LHFPL6: variants seen among roughly 807,000 people sequenced by gnomAD.
LHFPL6 encodes the protein LHFPL tetraspan subfamily member 6 protein.
Under a neutral mutation model 20.6 loss-of-function variants are expected in LHFPL6, and 9 were observed. That is an observed-to-expected ratio of 0.44 (90% CI 0.26 to 0.76). LHFPL6 has a LOEUF of 0.76. Among genes scored for constraint, LHFPL6 ranks in the 30% least tolerant of loss-of-function variants. The probability of loss-of-function intolerance (pLI) is 0.20; values close to 1 mark genes in which losing one functional copy is unlikely to be tolerated. For synonymous variants in LHFPL6, 105 were observed against 98.7 expected (o/e 1.06, Z -0.38); for missense variants, 218 against 253.5 (o/e 0.86, Z 0.95).
At position 39,361,514 on chromosome 13, in the gene LHFPL6, C is replaced by T. The variant is rs921918237; in HGVS notation, c.484+16914G>A. On this transcript the variant is annotated intron_variant, in intron 3 of 3. Coordinates refer to ENST00000379589, the MANE Select transcript of LHFPL6 (RefSeq NM_005780.3). ...TCTATTTTTAGTAGAGATGGGGTTT[C>T]ACCATGTTGGCCAGGATGGTCTCGA... Among the ~76,000 whole-genome samples, 25 of 152,124 alleles carry T rather than the reference C, an allele frequency of 1.6e-4. No individual in the cohort carries two copies. The East Asian group carries it at 1.7e-3, about 11-fold the overall frequency.
At chr13:39,403,827 C>T (rs1161127435) in intron 2 of LHFPL6, among the ~76,000 whole-genome samples, 6 of 152,182 alleles carry the variant, frequency 3.9e-5, no homozygotes, top group Admixed American at 2.0e-4. Flanking sequence ...AGAATCCAGC[C>T]AGGCCTGTTA....
intron 2 of LHFPL6, among the ~76,000 whole-genome samples, chr13:39,490,307 AGC>A (rs1356436564): frequency 6.6e-6 from 1 of 152,208 alleles, no homozygotes; most frequent in African/African-American, 2.4e-5. Context: ...CCACAATACA[AGC>A]GCAAACCAAG....
chr13:39,417,378 G>A (rs536173676), intron 2 of LHFPL6, among the ~76,000 whole-genome samples: 1 of 150,708 alleles, frequency 6.6e-6, no homozygotes, highest in South Asian at 2.1e-4. Flanking sequence ...CCGGAGCAAC[G>A]CTGTGAGAAG....
intron 2 of LHFPL6, among the ~76,000 whole-genome samples, chr13:39,598,693 C>A (rs771313495): frequency 3.8e-4 from 58 of 152,038 alleles, no homozygotes; most frequent in Non-Finnish European, 2.1e-4. Context: ...GTAGCAGGGA[C>A]TACAGGCGCC....
chr13:39,366,860 T>A (rs1870025857), intron 3 of LHFPL6, among the ~76,000 whole-genome samples: 1 of 152,220 alleles, frequency 6.6e-6, no homozygotes, highest in East Asian at 1.9e-4. Flanking sequence ...TGGACTGCAA[T>A]AAAATCTGCC....
intron 2 of LHFPL6, among the ~76,000 whole-genome samples, chr13:39,545,895 G>A (rs12428145): frequency 2.0e-5 from 3 of 151,772 alleles, no homozygotes; most frequent in Admixed American, 2.0e-4. Flanking sequence ...ACATAGTGAG[G>A]CTGCTTCTCT....
intron 2 of LHFPL6, among the ~76,000 whole-genome samples, chr13:39,411,219 CTGCTACAGATCTG>C (rs1871235487): frequency 6.6e-6 from 1 of 152,162 alleles, no homozygotes; most frequent in African/African-American, 2.4e-5. Context: ...TCCAGGGTGG[CTGCTACAGATCTG>C]CTTTCCTTAT....
chr13:39,431,721 G>GGGGGA (rs1871812364), intron 2 of LHFPL6, among the ~76,000 whole-genome samples: 1 of 147,594 alleles, frequency 6.8e-6, no homozygotes, highest in African/African-American at 2.5e-5. Context: ...AATTTGTGGG[G>GGGGGA]GGGGGGGGCT....
intron 2 of LHFPL6, among the ~76,000 whole-genome samples, chr13:39,494,427 G>A (rs553043153): frequency 3.2e-4 from 48 of 152,226 alleles, no homozygotes; most frequent in Non-Finnish European, 4.7e-4. Flanking sequence ...GTGGTCTGAG[G>A]TCCCTCACTT....
chr13:39,520,658 A>G (rs1260873309), intron 2 of LHFPL6, among the ~76,000 whole-genome samples: 1 of 152,168 alleles, frequency 6.6e-6, no homozygotes, highest in Admixed American at 6.5e-5. Context: ...TAGAGAAATG[A>G]GCTATCAAAT....
chr13:39,566,380 A>G (rs762461889), intron 2 of LHFPL6, among the ~76,000 whole-genome samples: 3 of 152,208 alleles, frequency 2.0e-5, no homozygotes, highest in Non-Finnish European at 2.9e-5. Context: ...CCATGTCTGA[A>G]TGACTCAGTA....
At chr13:39,506,621 A>G (rs1378958355) in intron 2 of LHFPL6, among the ~76,000 whole-genome samples, 1 of 152,172 alleles carries the variant, frequency 6.6e-6, no homozygotes, top group Non-Finnish European at 1.5e-5. Flanking sequence ...AGCTTAATCA[A>G]CAGAGCTCCA....
At chr13:39,414,148 T>C (rs542002793) in intron 2 of LHFPL6, among the ~76,000 whole-genome samples, 37 of 152,340 alleles carry the variant, frequency 2.4e-4, no homozygotes, top group African/African-American at 8.9e-4. Context: ...TTCATTCACA[T>C]ATCTATACAT....
Position 39,344,020 on chromosome 13 carries a change from C to G in LHFPL6, c.519G>C (p.Thr173=). The change falls in exon 4 of 4, where the codon ACG becomes ACC. Residue 173 remains threonine, a synonymous_variant. Coordinates refer to ENST00000379589, the MANE Select transcript of LHFPL6 (RefSeq NM_005780.3). The part of the protein sequence containing the change: ...KCEIGWAYYC[T]GAGATAAMLL... ...GCATGGCGGCAGTGGCACCTGCTCC[C>G]GTGCAGTAGTAGGCCCAGCCGATTT... is the stretch of plus-strand genomic sequence containing the variant. 6.2e-7 allele frequency: 1 copy of G among 1,613,688 alleles called. No homozygotes were observed. Among genetic ancestry groups the G allele is most frequent in the Non-Finnish European group, 8.5e-7 (1 of 1,179,878 alleles).
At chr13:39,503,176 T>C (rs1869354111) in intron 2 of LHFPL6, among the ~76,000 whole-genome samples, 1 of 152,220 alleles carries the variant, frequency 6.6e-6, no homozygotes, top group African/African-American at 2.4e-5. Context: ...AAATGCTACC[T>C]GACCCGGCAC....
chr13:39,343,948 G>A lies in LHFPL6; in HGVS notation c.591C>T (p.His197=), dbSNP rs755717088. Residue 197 remains histidine, a synonymous_variant, in exon 4 of 4, where the codon CAC becomes CAT. Coordinates refer to ENST00000379589, the MANE Select transcript of LHFPL6 (RefSeq NM_005780.3). ...TGGTAGCTCCATCTCAGTATGGGTA[G>A]TGCTTCTGTTTCTTGCCCGAAAAGC... The part of the protein sequence containing the change: ...LACFSGKKQK[H]YPY The A allele has an allele frequency of 1.7e-5, 28 of 1,613,514 alleles. No homozygotes were observed. The highest frequency in any genetic ancestry group is 1.5e-4 in the South Asian group (14 of 91,040).
intron 3 of LHFPL6, among the ~76,000 whole-genome samples, chr13:39,361,951 C>T (rs1376838220): frequency 1.3e-5 from 2 of 152,142 alleles, no homozygotes; most frequent in Non-Finnish European, 1.5e-5. Flanking sequence ...ATTGATAAAC[C>T]CAGTGTGATG....
At chr13:39,383,032 C>A (rs140342725) in intron 2 of LHFPL6, among the ~76,000 whole-genome samples, 1 of 152,096 alleles carries the variant, frequency 6.6e-6, no homozygotes, top group Non-Finnish European at 1.5e-5. Context: ...GGCCTCCCCA[C>A]TAACTTGCTA....
intron 2 of LHFPL6, among the ~76,000 whole-genome samples, chr13:39,393,957 T>C (rs533401414): frequency 6.6e-6 from 1 of 152,162 alleles, no homozygotes; most frequent in Non-Finnish European, 1.5e-5. Flanking sequence ...TTTTCTTTCA[T>C]AGAGATGGAG....
Sources: allele counts gnomAD v4.1 joint callset (sites outside exome capture counted in the v4.1 genomes callset), GRCh38; gene constraint gnomAD v4.1.1; transcripts MANE v1.5; gene names NCBI Gene and HGNC (gene_info 2026-07-23, HGNC 2026-07-21).